The following OSTF1 variants were observed in gnomAD, a reference collection of about 807,000 sequenced individuals.
OSTF1 encodes the protein osteoclast-stimulating factor 1.
A neutral mutation model predicts 37.2 loss-of-function variants in OSTF1; 27 were observed. The ratio of observed to expected loss-of-function variants is 0.73; its 90% CI spans 0.54 to 1.00. The LOEUF is 1.00. Ranked by LOEUF, OSTF1 falls within the 50% of genes least tolerant of loss-of-function variation. The pLI is 0.00. For synonymous variants in OSTF1, 82 were observed against 89.2 expected, an observed-to-expected ratio of 0.92 and a Z score of 0.46; for missense variants, 232 against 253.8, an observed-to-expected ratio of 0.91 and a Z score of 0.58.
At chr9:75,101,019 G>A (rs140579356) in intron 1 of OSTF1, among the ~76,000 whole-genome samples, 8 of 152,238 alleles carry the variant, frequency 5.3e-5, no homozygotes, top group African/African-American at 1.9e-4. Context: ...ATTTGAGCTG[G>A]CTTGGAAAAT....
chr9:75,088,752 C>T, intron 1 of OSTF1, 26 bp downstream of exon 1: 1 of 1,594,716 alleles, frequency 6.3e-7, no homozygotes, highest in African/African-American at 1.3e-5. Flanking sequence ...TAGGCGCTTG[C>T]CAGGTCCTGC....
At chr9:75,117,668 G>T in intron 2 of OSTF1, 118 bp downstream of exon 2, 1 of 746,066 alleles carries the variant, frequency 1.3e-6, no homozygotes, top group East Asian at 2.5e-5. Flanking sequence ...GTAATTCTCA[G>T]GAATGGATGT....
At chr9:75,110,715 CTT>C (rs1028159927) in intron 1 of OSTF1, among the ~76,000 whole-genome samples, 10 of 144,062 alleles carry the variant, frequency 6.9e-5, no homozygotes, top group Admixed American at 1.4e-4. Context: ...CAGTTTCTTT[CTT>C]TTTTTTTTTT....
intron 1 of OSTF1, among the ~76,000 whole-genome samples, chr9:75,098,879 A>G (rs564491454): frequency 2.0e-5 from 3 of 152,326 alleles, no homozygotes; most frequent in African/African-American, 4.8e-5. Context: ...TTCTCTCCCT[A>G]CCCATCACTC....
chr9:75,109,856 A>C (rs1418973908), intron 1 of OSTF1, among the ~76,000 whole-genome samples: 1 of 152,126 alleles, frequency 6.6e-6, no homozygotes, highest in Non-Finnish European at 1.5e-5. Context: ...TGGGAATTCT[A>C]TTTGTTCTAT....
At chr9:75,140,538 A>G (rs1825924466) in intron 8 of OSTF1, among the ~76,000 whole-genome samples, 1 of 152,238 alleles carries the variant, frequency 6.6e-6, no homozygotes, top group African/African-American at 2.4e-5. Flanking sequence ...CAAAGGGCTC[A>G]TTGAAGTCAA....
chr9:75,127,448 G>A, intron 2 of OSTF1, 121 bp from the exon 3 acceptor site: 2 of 530,714 alleles, frequency 3.8e-6, no homozygotes, highest in Non-Finnish European at 3.3e-6. Context: ...TATGGCTTAT[G>A]TGCTGATTTA....
chr9:75,096,268 A>T (rs753663584), intron 1 of OSTF1, among the ~76,000 whole-genome samples: 4 of 152,214 alleles, frequency 2.6e-5, no homozygotes, highest in Non-Finnish European at 4.4e-5. Context: ...GAAAGCCACA[A>T]GGCAAATTTC....
chr9:75,143,653 G>A (rs1271812546), intron 9 of OSTF1, among the ~76,000 whole-genome samples: 1 of 152,178 alleles, frequency 6.6e-6, no homozygotes, highest in Non-Finnish European at 1.5e-5. Context: ...TTTATTGTTT[G>A]TATGTTTGTT....
At position 75,088,739 on chromosome 9, in the gene OSTF1, A is replaced by C. The variant is rs750357845; in HGVS notation, c.34+13A>C. On this transcript the variant is annotated intron_variant, in intron 1 of 9. Coordinates refer to ENST00000346234, the MANE Select transcript of OSTF1 (RefSeq NM_012383.5). ...CCAGTCAAACCAGGTGAGGGAGGTA[A>C]GGTAGGCGCTTGCCAGGTCCTGCGA... 30 of 1,603,958 alleles carry C rather than the reference A, an allele frequency of 1.9e-5. No individual in the cohort carries two copies. The highest frequency in any genetic ancestry group is 2.6e-5 in the Non-Finnish European group (30 of 1,175,030).
Position 75,145,386 on chromosome 9 carries a change from A to G in OSTF1, c.587-1297A>G, listed in dbSNP as rs918324156. Among the ~76,000 whole-genome samples, 15 of 152,262 alleles carry G rather than the reference A, an allele frequency of 9.9e-5. No individual in the cohort carries two copies. In the East Asian group the frequency reaches 2.5e-3, roughly 25 times the overall value. On this transcript the variant is annotated intron_variant, in intron 9 of 9. Transcript: ENST00000346234. ...TTCTTGGTAGTAGAAGGAATAATAA[A>G]TCATATAGAATATTGTGTTCTTTTA...
At chr9:75,144,847 A>C (rs1022149876) in intron 9 of OSTF1, among the ~76,000 whole-genome samples, 1 of 152,134 alleles carries the variant, frequency 6.6e-6, no homozygotes, top group African/African-American at 2.4e-5. Flanking sequence ...CAGGATTCAC[A>C]TAAGGTCAGT....
chr9:75,137,614 A>G lies in OSTF1; in HGVS notation c.485A>G (p.Lys162Arg), dbSNP rs370080363. ...YADIVQLLLAKGARTDLRNIE... is the reference protein window; with the variant it reads ...YADIVQLLLARGARTDLRNIE... ...GATATCGTCCAGTTGCTTCTGGCAA[A>G]AGGTAAAGTTTGTGCTGAGTTTATC... Residue 162 changes from lysine (K) to arginine (R), a missense_variant and splice_region_variant, in exon 8 of 10, where the codon AAA becomes AGA. Transcript: ENST00000346234. The G allele has an allele frequency of 1.2e-6, 2 of 1,606,406 alleles. No individual in the cohort carries two copies. Among genetic ancestry groups the G allele is most frequent in the East Asian group, 2.2e-5 (1 of 44,830 alleles).
chr9:75,102,585 C>T (rs566434605), intron 1 of OSTF1, among the ~76,000 whole-genome samples: 15 of 152,220 alleles, frequency 9.9e-5, no homozygotes, highest in African/African-American at 3.4e-4. Flanking sequence ...CTCTAGCATC[C>T]GCTCATGCCC....
At chr9:75,118,373 G>C (rs1007408698) in intron 2 of OSTF1, among the ~76,000 whole-genome samples, 4 of 152,268 alleles carry the variant, frequency 2.6e-5, no homozygotes, top group African/African-American at 9.6e-5. Flanking sequence ...TGCAAACATG[G>C]GAGAGGGTAG....
chr9:75,128,414 C>CATATAT (rs1326846136), intron 3 of OSTF1, among the ~76,000 whole-genome samples: 2 of 11,404 alleles, frequency 1.8e-4, no homozygotes, highest in Non-Finnish European at 1.9e-4. Flanking sequence ...ATATTTTGTC[C>CATATAT]ATATATATAT....
rs747678880 is a variant in OSTF1 at position 75,117,060 on chromosome 9, G to A, written c.35-444G>A. Among the ~76,000 whole-genome samples, 6 of 151,876 alleles carry A rather than the reference G, an allele frequency of 4.0e-5. 1 individual carries two copies. On this transcript the variant is annotated intron_variant, in intron 1 of 9. Coordinates refer to ENST00000346234, the MANE Select transcript of OSTF1 (RefSeq NM_012383.5). ...TAGTCACATTGATATATAATGATAT[G>A]TTTTTAAAATTTATTTTATGATTGA...
At chr9:75,107,168 AATG>A (rs1299091965) in intron 1 of OSTF1, among the ~76,000 whole-genome samples, 3 of 150,972 alleles carry the variant, frequency 2.0e-5, no homozygotes, top group Admixed American at 1.3e-4. Flanking sequence ...AAGAATAAAA[AATG>A]ATGGCCTTAA....
At chr9:75,114,477 A>G (rs1032565196) in intron 1 of OSTF1, among the ~76,000 whole-genome samples, 1 of 152,034 alleles carries the variant, frequency 6.6e-6, no homozygotes, top group African/African-American at 2.4e-5. Context: ...GAACTTTTCT[A>G]TTATTGTGTG....
Sources: gnomAD v4.1 joint callset for allele counts (sites outside exome capture counted in the v4.1 genomes callset) on GRCh38, gnomAD v4.1.1 for gene constraint, MANE v1.5 for transcripts, NCBI Gene and HGNC (gene_info 2026-07-23, HGNC 2026-07-21) for gene names.